SHISA9: variants seen among roughly 807,000 people sequenced by gnomAD.
SHISA9 encodes shisa family member 9, also known as protein shisa-9.
A neutral mutation model predicts 38.0 loss-of-function variants in SHISA9; 13 were observed. The ratio of observed to expected loss-of-function variants is 0.34; its 90% CI spans 0.22 to 0.54. SHISA9 has a LOEUF of 0.54. Ranked by LOEUF, SHISA9 falls within the 20% of genes least tolerant of loss-of-function variation. SHISA9 has a pLI of 0.91. For missense variants in SHISA9, 538 were observed against 575.8 expected, an observed-to-expected ratio of 0.93 and a Z score of 0.67; for synonymous variants, 275 against 242.0, an observed-to-expected ratio of 1.14 and a Z score of -1.27.
At chr16:13,151,236 A>T (rs999995253) in intron 2 of SHISA9, among the ~76,000 whole-genome samples, 1 of 151,934 alleles carries the variant, frequency 6.6e-6, no homozygotes, top group African/African-American at 2.4e-5. Flanking sequence ...CCTCCTGAGG[A>T]GCTGGGATTT....
intron 2 of SHISA9, among the ~76,000 whole-genome samples, chr16:13,137,827 G>A (rs1318756632): frequency 6.6e-6 from 1 of 152,036 alleles, no homozygotes; most frequent in East Asian, 1.9e-4. Flanking sequence ...CTATTCCTGG[G>A]CCCCAGTTCA....
the SHISA9 span, among the ~76,000 whole-genome samples, chr16:13,309,426 C>G: frequency 6.6e-6 from 1 of 151,722 alleles, no homozygotes; most frequent in Non-Finnish European, 1.5e-5. Context: ...GTAGATCACC[C>G]GAGGTCAGAA....
the SHISA9 span, among the ~76,000 whole-genome samples, chr16:13,322,318 C>T: frequency 1.1e-4 from 16 of 152,332 alleles, no homozygotes; most frequent in African/African-American, 3.8e-4. Flanking sequence ...CCTAAAGCTG[C>T]CAAGGCCTCT....
chr16:12,975,662 G>GGGGC lies in SHISA9; in HGVS notation c.691+58849_691+58850insGCGG, dbSNP rs1555451392. Among the ~76,000 whole-genome samples, 43 of 142,334 alleles carry GGGGC rather than the reference G, an allele frequency of 3.0e-4. 1 individual carries two copies. Among genetic ancestry groups the GGGGC allele is most frequent in the African/African-American group, 1.1e-3 (42 of 37,370 alleles). The allele number at this position is 142,334 out of a possible 152,430, so 93.4% of individuals were successfully genotyped here. ...GGGTGGGGTGGGACGGGGGCGGGGG[G>GGGGC]GGTAAGGGCATGTCACTATGAATAG... On this transcript the variant is annotated intron_variant, in intron 2 of 4. Transcript: ENST00000558583.
chr16:13,492,543 G>A, the SHISA9 span, among the ~76,000 whole-genome samples: 3 of 152,124 alleles, frequency 2.0e-5, no homozygotes, highest in African/African-American at 4.8e-5. Flanking sequence ...CTTTTGTTGA[G>A]GTCTTGTCTG....
the SHISA9 span, among the ~76,000 whole-genome samples, chr16:13,403,338 A>G: frequency 6.6e-6 from 1 of 152,230 alleles, no homozygotes; most frequent in Admixed American, 6.5e-5. Flanking sequence ...TAATTTTTAA[A>G]TAGCTCTTTT....
chr16:13,218,874 A>G (rs2051196116), intron 4 of SHISA9, among the ~76,000 whole-genome samples: 1 of 152,200 alleles, frequency 6.6e-6, no homozygotes, highest in African/African-American at 2.4e-5. Flanking sequence ...AGACCATCCC[A>G]GGGGAGGGAA....
intron 2 of SHISA9, among the ~76,000 whole-genome samples, chr16:13,029,469 G>T (rs535148398): frequency 4.1e-4 from 63 of 152,314 alleles, no homozygotes; most frequent in African/African-American, 1.5e-3. Flanking sequence ...TTAACTGGAC[G>T]TGGTGGCACA....
the SHISA9 span, among the ~76,000 whole-genome samples, chr16:13,352,006 G>C: frequency 1.3e-5 from 2 of 152,172 alleles, no homozygotes; most frequent in African/African-American, 4.8e-5. Flanking sequence ...GAATAGAATG[G>C]CTTTCCTGAC....
intron 2 of SHISA9, among the ~76,000 whole-genome samples, chr16:12,966,694 GC>G (rs1165946762): frequency 6.6e-6 from 1 of 152,166 alleles, no homozygotes; most frequent in Non-Finnish European, 1.5e-5. Flanking sequence ...GACTGAGAAG[GC>G]CCTGTCTCAT....
At chr16:13,011,837 T>TC (rs1217411499) in intron 2 of SHISA9, among the ~76,000 whole-genome samples, 28 of 151,134 alleles carry the variant, frequency 1.9e-4, no homozygotes, top group Middle Eastern at 3.4e-3. Context: ...TTTTTTTTTT[T>TC]GTTTTTGAGA....
At chr16:13,359,425 G>T in the SHISA9 span, among the ~76,000 whole-genome samples, 1 of 152,336 alleles carries the variant, frequency 6.6e-6, no homozygotes, top group Admixed American at 6.5e-5. Context: ...AGAGGTTGCA[G>T]AGAGCAGAGA....
chr16:13,551,917 C>T, the SHISA9 span, among the ~76,000 whole-genome samples: 1 of 152,084 alleles, frequency 6.6e-6, no homozygotes, highest in African/African-American at 2.4e-5. Context: ...GTCCTAGCTA[C>T]TGGGGACGCT....
At chr16:13,000,122 C>T (rs1340942900) in intron 2 of SHISA9, among the ~76,000 whole-genome samples, 5 of 151,958 alleles carry the variant, frequency 3.3e-5, no homozygotes, top group Non-Finnish European at 7.4e-5. Flanking sequence ...GAATTAGGGA[C>T]ACTTAGCATT....
At chr16:13,390,124 CTT>C in the SHISA9 span, among the ~76,000 whole-genome samples, 120,959 of 149,350 alleles carry the variant, frequency 0.81, 48,984 homozygotes, top group East Asian at 0.96. Context: ...TTTTTCTAAC[CTT>C]TTTTTTTTTT....
At chr16:13,440,761 A>C in the SHISA9 span, among the ~76,000 whole-genome samples, 1 of 152,132 alleles carries the variant, frequency 6.6e-6, no homozygotes, top group African/African-American at 2.4e-5. Context: ...TTCTCTGCTA[A>C]AAATATAAAA....
the SHISA9 span, among the ~76,000 whole-genome samples, chr16:13,286,383 A>G: frequency 1.1e-4 from 17 of 152,254 alleles, no homozygotes; most frequent in South Asian, 1.7e-3. Context: ...CGAAGTCTCC[A>G]CTTACAATTT....
At chr16:13,206,202 T>G (rs1418894457) in intron 3 of SHISA9, among the ~76,000 whole-genome samples, 1 of 152,202 alleles carries the variant, frequency 6.6e-6, no homozygotes, top group Non-Finnish European at 1.5e-5. Context: ...GGTCTTCTAC[T>G]CTTTAGTTAT....
the SHISA9 span, among the ~76,000 whole-genome samples, chr16:13,279,047 G>C: frequency 2.6e-5 from 4 of 151,818 alleles, no homozygotes; most frequent in Non-Finnish European, 4.4e-5. Flanking sequence ...AGGCACTTAG[G>C]GCTATAAACT....
Sources: gnomAD v4.1 joint callset for allele counts (sites outside exome capture counted in the v4.1 genomes callset) on GRCh38, gnomAD v4.1.1 for gene constraint, MANE v1.5 for transcripts, NCBI Gene and HGNC (gene_info 2026-07-23, HGNC 2026-07-21) for gene names.